The following ANKFN1 variants were observed in gnomAD, a reference collection of about 807,000 sequenced individuals.
The protein encoded by ANKFN1 is ankyrin repeat and fibronectin type-III domain-containing protein 1.
Under a neutral mutation model 108.7 loss-of-function variants are expected in ANKFN1, and 74 were observed. The ratio of observed to expected loss-of-function variants is 0.68; its 90% CI spans 0.56 to 0.83. The LOEUF is 0.83. ANKFN1 is among the 40% of genes least tolerant of loss of function. The probability of loss-of-function intolerance (pLI) is 0.00; values close to 1 mark genes in which losing one functional copy is unlikely to be tolerated. For missense variants in ANKFN1, 1,505 were observed against 1,382.3 expected (o/e 1.09, Z -1.41); for synonymous variants, 547 against 516.2 (o/e 1.06, Z -0.81).
At chr17:56,284,378 A>C (rs1369173096) in intron 3 of ANKFN1, among the ~76,000 whole-genome samples, 1 of 152,222 alleles carries the variant, frequency 6.6e-6, no homozygotes, top group Non-Finnish European at 1.5e-5. Context: ...TAAAAGTATG[A>C]GATGAAAATA....
At chr17:56,227,771 GTC>G in intron 2 of ANKFN1, 144 bp from the exon 3 acceptor site, 1 of 673,344 alleles carries the variant, frequency 1.5e-6, no homozygotes, top group Non-Finnish European at 2.5e-6. Context: ...CCCAAGAAAA[GTC>G]TCCCAATAAA....
intron 3 of ANKFN1, among the ~76,000 whole-genome samples, chr17:56,251,571 A>G (rs2043237020): frequency 1.3e-5 from 2 of 152,176 alleles, no homozygotes; most frequent in African/African-American, 4.8e-5. Flanking sequence ...AGAGTATGTG[A>G]ATCTCTCCCT....
At chr17:56,472,232 T>C (rs1337075869) in intron 15 of ANKFN1, 1 of 152,178 alleles carries the variant, frequency 6.6e-6, no homozygotes, top group African/African-American at 2.4e-5. Context: ...GTAAAGTCTT[T>C]TTATTTTTAT....
chr17:56,282,280 G>A lies in ANKFN1; in HGVS notation c.54-43941G>A, dbSNP rs184138240. ...AATAAAAATCAGAACAACAGGTGCC[G>A]TGTGTGTGTGTTTGTGTGTGTGTGT... On this transcript the variant is annotated intron_variant, in intron 3 of 20. Coordinates refer to ENST00000682825, the MANE Select transcript of ANKFN1 (RefSeq NM_001370326.1). Among the ~76,000 whole-genome samples the A allele has an allele frequency of 1.2e-4, 18 of 150,430 alleles. No individual in the cohort carries two copies. In the South Asian group the frequency reaches 1.7e-3, roughly 14 times the overall value.
intron 8 of ANKFN1, among the ~76,000 whole-genome samples, chr17:56,376,479 G>A (rs2046952577): frequency 6.6e-6 from 1 of 152,210 alleles, no homozygotes; most frequent in African/African-American, 2.4e-5. Flanking sequence ...GAAATTCAGA[G>A]CAAGCATTTC....
intron 3 of ANKFN1, among the ~76,000 whole-genome samples, chr17:56,254,979 C>A (rs971926138): frequency 2.6e-5 from 4 of 152,130 alleles, no homozygotes; most frequent in Non-Finnish European, 4.4e-5. Flanking sequence ...CCTCTGAAAT[C>A]CATTAACACT....
chr17:56,202,939 A>T (rs2143766504), intron 1 of ANKFN1, among the ~76,000 whole-genome samples: 1 of 152,358 alleles, frequency 6.6e-6, no homozygotes, highest in Non-Finnish European at 1.5e-5. Flanking sequence ...GAGAAATGTT[A>T]GCTAAAATAA....
chr17:56,079,676 C>A (rs1171988681), intron 4 of ANKFN1, among the ~76,000 whole-genome samples: 1 of 152,178 alleles, frequency 6.6e-6, no homozygotes, highest in Non-Finnish European at 1.5e-5. Context: ...AAAGAAGCTT[C>A]CTGCTCTAGG....
chr17:56,512,681 C>T lies in ANKFN1; in HGVS notation c.*1412C>T, dbSNP rs1224544846. Among the ~76,000 whole-genome samples, 1 of 152,160 alleles carries T rather than the reference C, an allele frequency of 6.6e-6. No individual in the cohort carries two copies. Among genetic ancestry groups the T allele is most frequent in the Non-Finnish European group, 1.5e-5 (1 of 68,024 alleles). Reference sequence around the variant, plus strand: ...TCAGTTAAATATTGCTCTTTATGGCCCTATCCTTGTCCACAGAGTTCTACC... The same window carrying T: ...TCAGTTAAATATTGCTCTTTATGGCTCTATCCTTGTCCACAGAGTTCTACC... On this transcript the variant is annotated 3_prime_UTR_variant, in exon 21 of 21. Transcript: ENST00000682825.
At chr17:56,293,334 C>T (rs2044416347) in intron 3 of ANKFN1, among the ~76,000 whole-genome samples, 1 of 152,168 alleles carries the variant, frequency 6.6e-6, no homozygotes, top group Non-Finnish European at 1.5e-5. Flanking sequence ...TTCATTGTAT[C>T]ACACAAATGC....
At chr17:56,396,277 G>A (rs573925462) in intron 8 of ANKFN1, among the ~76,000 whole-genome samples, 258 of 152,176 alleles carry the variant, frequency 1.7e-3, no homozygotes, top group African/African-American at 4.5e-3. Context: ...GTGAAACCCC[G>A]TCTCTACTAA....
intron 4 of ANKFN1, among the ~76,000 whole-genome samples, chr17:56,086,287 T>A (rs1310982511): frequency 6.6e-6 from 1 of 150,830 alleles, no homozygotes; most frequent in Middle Eastern, 3.2e-3. Flanking sequence ...TGCTTGTAAT[T>A]CCAGCTACTC....
chr17:56,436,713 C>T (rs552173076), intron 8 of ANKFN1, among the ~76,000 whole-genome samples: 34 of 151,882 alleles, frequency 2.2e-4, no homozygotes, highest in African/African-American at 6.5e-4. Context: ...GCCCGTAATC[C>T]GAGCTACTTG....
rs190874331 is a variant in ANKFN1, at chr17:56,346,872, A to G, written c.189-3894A>G. 3.3e-5 allele frequency among the ~76,000 whole-genome samples: 5 copies of G among 151,960 alleles called. No homozygotes were observed. The East Asian group carries it at 9.7e-4, about 30-fold the overall frequency. ...TTTTGAATATATTGTGCACACAGAT[A>G]TATTCAACCTATAGTTTTGGTTCTG... On this transcript the variant is annotated intron_variant, in intron 4 of 20. Coordinates refer to ENST00000682825, the MANE Select transcript of ANKFN1 (RefSeq NM_001370326.1).
chr17:56,428,697 A>C (rs1567994330), intron 8 of ANKFN1, among the ~76,000 whole-genome samples: 1 of 152,014 alleles, frequency 6.6e-6, no homozygotes, highest in Non-Finnish European at 1.5e-5. Context: ...TCCTGACCTT[A>C]AGTGATCCAC....
At position 56,137,929 on chromosome 17, in the gene ANKFN1, T is replaced by G. The variant is rs551678465; in HGVS notation, c.289-89988T>G. 2.4e-4 allele frequency among the ~76,000 whole-genome samples: 37 copies of G among 152,320 alleles called. No individual in the cohort carries two copies. In the South Asian group the frequency reaches 6.0e-3, roughly 25 times the overall value. ...TAGCCTCATTGACAATTTTATCATT[T>G]AGCAAAGAGAGGGAAAAAATAGATG... On this transcript the variant is annotated intron_variant, in intron 4 of 12. Transcript: ENST00000635860.
chr17:56,435,440 C>A (rs575892831), intron 8 of ANKFN1, among the ~76,000 whole-genome samples: 1 of 152,262 alleles, frequency 6.6e-6, no homozygotes, highest in African/African-American at 2.4e-5. Flanking sequence ...AAGGATGATT[C>A]CCTTGGGAAG....
intron 1 of ANKFN1, 66 bp downstream of exon 1, chr17:56,153,596 G>A: frequency 6.3e-7 from 1 of 1,594,556 alleles, no homozygotes; most frequent in Non-Finnish European, 8.6e-7. Flanking sequence ...GCATTCAACA[G>A]GCAGGAAAAT....
chr17:56,169,843 G>A (rs961005359), intron 1 of ANKFN1, among the ~76,000 whole-genome samples: 2 of 152,142 alleles, frequency 1.3e-5, no homozygotes, highest in Non-Finnish European at 2.9e-5. Flanking sequence ...GCTCCTGCTG[G>A]GGAGGCAGCA....
Sources: gnomAD v4.1 joint callset for allele counts (sites outside exome capture counted in the v4.1 genomes callset) on GRCh38, gnomAD v4.1.1 for gene constraint, MANE v1.5 for transcripts, NCBI Gene and HGNC (gene_info 2026-07-23, HGNC 2026-07-21) for gene names.